The following BMP2K variants were observed in gnomAD, a reference collection of about 807,000 sequenced individuals.
BMP2K encodes BMP-2-inducible protein kinase.
In BMP2K, 74 loss-of-function variants were observed where a neutral mutation model predicts 116.0. The ratio of observed to expected loss-of-function variants is 0.64; its 90% CI spans 0.53 to 0.77. The LOEUF (loss-of-function observed/expected upper bound fraction) is 0.77, where lower values mean the gene tolerates loss of function less well. BMP2K is among the 30% of genes least tolerant of loss of function. The pLI is 0.00. For synonymous variants in BMP2K, 486 were observed against 502.5 expected (o/e 0.97, Z 0.44); for missense variants, 1,365 against 1,403.6 (o/e 0.97, Z 0.44).
chr4:78,792,294 A>C (rs1042448270), intron 1 of BMP2K, among the ~76,000 whole-genome samples: 11 of 152,202 alleles, frequency 7.2e-5, no homozygotes, highest in Non-Finnish European at 1.2e-4. Flanking sequence ...ATGTCTTTTT[A>C]ATATGTGAAA....
At chr4:78,887,124 T>A (rs912340437) in intron 14 of BMP2K, 50 bp from the exon 15 acceptor site, 18 of 1,279,358 alleles carry the variant, frequency 1.4e-5, no homozygotes, top group Non-Finnish European at 2.0e-5. Flanking sequence ...AATTTAAAGA[T>A]CATTTTTATT....
In BMP2K at chr4:78,859,580, G is replaced by C. The variant is rs780066899; in HGVS notation, c.884-4G>C. The C allele has an allele frequency of 5.7e-6, 9 of 1,592,898 alleles. No individual in the cohort carries two copies. In the Middle Eastern group the frequency reaches 1.0e-3, roughly 177 times the overall value. ...CTTCTTAACATTTTGATCTATTCTT[G>C]CAGGGTTCATGCTTGAACCAGATCC... On this transcript the variant is annotated splice_region_variant and splice_polypyrimidine_tract_variant and intron_variant, in intron 7 of 15. Coordinates refer to ENST00000502613, the MANE Select transcript of BMP2K (RefSeq NM_198892.2).
In BMP2K at chr4:78,776,516, C is replaced by G; in HGVS notation, c.-28C>G. 1 of 1,134,120 alleles carries G rather than the reference C, an allele frequency of 8.8e-7. No individual in the cohort carries two copies. The allele number at this position is 1,134,120 out of a possible 1,614,324, so 70.3% of individuals were successfully genotyped here. Reference sequence around the variant, plus strand: ...CCGGGGACTTGCCCTTGCACGCTCCCTGCGCCCTCCAGCTCGCCGGCGGGA... The same window carrying G: ...CCGGGGACTTGCCCTTGCACGCTCCGTGCGCCCTCCAGCTCGCCGGCGGGA... On this transcript the variant is annotated 5_prime_UTR_variant, in exon 1 of 16. Transcript: ENST00000502613.
chr4:78,782,852 A>G (rs1342358419), intron 1 of BMP2K, among the ~76,000 whole-genome samples: 2 of 152,174 alleles, frequency 1.3e-5, no homozygotes, highest in African/African-American at 2.4e-5. Context: ...TCACCTGTGC[A>G]TTCAGTTGTC....
intron 7 of BMP2K, among the ~76,000 whole-genome samples, chr4:78,856,921 G>T (rs1454308304): frequency 6.6e-6 from 1 of 152,054 alleles, no homozygotes; most frequent in Non-Finnish European, 1.5e-5. Context: ...ATGGGTGGAG[G>T]TGCTTCATTC....
Position 78,782,857 on chromosome 4 carries a change from G to A in BMP2K, c.178+6136G>A, listed in dbSNP as rs774475925. Among the ~76,000 whole-genome samples, 8 of 152,176 alleles carry A rather than the reference G, an allele frequency of 5.3e-5. No individual in the cohort carries two copies. The South Asian group carries it at 1.7e-3, about 32-fold the overall frequency. On this transcript the variant is annotated intron_variant, in intron 1 of 15. Coordinates refer to ENST00000502613, the MANE Select transcript of BMP2K (RefSeq NM_198892.2). ...CAAGGTCTATTCACCTGTGCATTCA[G>A]TTGTCCAGTAGTACTTACTCAGCAC...
chr4:78,889,534 T>C (rs1488241351), intron 15 of BMP2K, among the ~76,000 whole-genome samples: 2 of 152,190 alleles, frequency 1.3e-5, no homozygotes, highest in Admixed American at 6.5e-5. Context: ...TAAAAATGTA[T>C]TTGGGGACAT....
chr4:78,785,808 A>T (rs901519974), intron 1 of BMP2K, among the ~76,000 whole-genome samples: 2 of 152,190 alleles, frequency 1.3e-5, no homozygotes, highest in Non-Finnish European at 2.9e-5. Context: ...TTAGAGAATT[A>T]TATTAGCATT....
At chr4:78,804,413 C>T (rs750388793) in intron 1 of BMP2K, among the ~76,000 whole-genome samples, 4 of 151,814 alleles carry the variant, frequency 2.6e-5, no homozygotes, top group East Asian at 3.9e-4. Context: ...AAATTTTTTG[C>T]GTGGATATAT....
intron 1 of BMP2K, among the ~76,000 whole-genome samples, chr4:78,786,098 C>T (rs923238331): frequency 6.6e-6 from 1 of 152,120 alleles, no homozygotes; most frequent in East Asian, 1.9e-4. Flanking sequence ...TTTCTGCTAT[C>T]GTCTGAATGT....
intron 5 of BMP2K, among the ~76,000 whole-genome samples, chr4:78,846,652 A>C (rs562143604): frequency 6.6e-6 from 1 of 151,766 alleles, no homozygotes; most frequent in South Asian, 2.1e-4. Context: ...AAATATACTT[A>C]ATGAGTGCAG....
In BMP2K at chr4:78,910,913, T is replaced by G. The variant is rs1309342314; in HGVS notation, c.2366T>G (p.Met789Arg). 6.2e-7 allele frequency: 1 copy of G among 1,613,942 alleles called. No homozygotes were observed. Among genetic ancestry groups the G allele is most frequent in the Non-Finnish European group, 8.5e-7 (1 of 1,179,856 alleles). The change falls in exon 16 of 16, where the codon ATG (methionine) becomes AGG (arginine). Residue 789 changes from methionine (M) to arginine (R), a missense_variant. By Grantham distance (91) the Met-to-Arg change is moderately conservative. Around this residue, in one of 3 missense-constraint regions of BMP2K, gnomAD observed 596 missense variants for 623.2 expected, o/e 0.96. Coordinates refer to ENST00000502613, the MANE Select transcript of BMP2K (RefSeq NM_198892.2). ...PENLGHRPLL[M>R]DSEDEEEEEK... is the part of the protein sequence containing the mutation. ...AATCTGGGTCATAGGCCTCTCCTCA[T>G]GGATTCTGAAGATGAGGAAGAAGAG...
intron 15 of BMP2K, among the ~76,000 whole-genome samples, chr4:78,902,983 A>T (rs879568612): frequency 7.2e-5 from 11 of 152,124 alleles, no homozygotes; most frequent in Non-Finnish European, 1.6e-4. Flanking sequence ...ATATATGAAA[A>T]TGTAGCCTAA....
intron 15 of BMP2K, 102 bp downstream of exon 15, chr4:78,887,386 C>T: frequency 1.2e-6 from 1 of 812,574 alleles, no homozygotes; most frequent in Non-Finnish European, 2.0e-6. Context: ...TAGTTAGCTA[C>T]AGAAAGTAGA....
chr4:78,811,069 T>C (rs10028888), intron 1 of BMP2K, among the ~76,000 whole-genome samples: 2,077 of 152,320 alleles, frequency 0.014, 52 homozygotes, highest in African/African-American at 0.044. Context: ...ACTTTTTCAG[T>C]GATACCTTTT....
At chr4:78,904,153 C>A (rs1449205674) in intron 15 of BMP2K, among the ~76,000 whole-genome samples, 1 of 151,838 alleles carries the variant, frequency 6.6e-6, no homozygotes, top group East Asian at 1.9e-4. Flanking sequence ...CAATGCATGT[C>A]TTTGAAACGA....
intron 2 of BMP2K, among the ~76,000 whole-genome samples, chr4:78,827,018 G>GT (rs1267278059): frequency 2.0e-5 from 3 of 152,108 alleles, no homozygotes; most frequent in Admixed American, 6.6e-5. Context: ...AAGTCACACA[G>GT]TTTTTTTGGC....
intron 1 of BMP2K, among the ~76,000 whole-genome samples, chr4:78,795,111 A>G (rs1398932945): frequency 1.3e-5 from 2 of 152,236 alleles, no homozygotes; most frequent in Non-Finnish European, 2.9e-5. Flanking sequence ...AGGTATTCCA[A>G]ACATAATTTC....
At chr4:78,858,652 AATTTT>A (rs1731617049) in intron 7 of BMP2K, among the ~76,000 whole-genome samples, 1 of 152,026 alleles carries the variant, frequency 6.6e-6, no homozygotes, top group African/African-American at 2.4e-5. Context: ...TTTGATTTAT[AATTTT>A]ATTTAACCCA....
Sources: allele counts gnomAD v4.1 joint callset (sites outside exome capture counted in the v4.1 genomes callset), GRCh38; gene constraint gnomAD v4.1.1; regional missense constraint gnomAD v4.1.1; transcripts MANE v1.5; gene names NCBI Gene and HGNC (gene_info 2026-07-23, HGNC 2026-07-21).